The following PCDH15 variants were observed in gnomAD, a reference collection of about 807,000 sequenced individuals.
PCDH15 encodes the protein protocadherin-15.
Under a neutral mutation model 178.5 loss-of-function variants are expected in PCDH15, and 129 were observed. The observed-to-expected ratio is 0.72, with a 90% CI of 0.63 to 0.84. PCDH15 has a LOEUF of 0.84. PCDH15 is among the 40% of genes least tolerant of loss of function. PCDH15 has a pLI of 0.00. For missense variants in PCDH15, 2,230 were observed against 2,099.9 expected, an observed-to-expected ratio of 1.06 and a Z score of -1.21; for synonymous variants, 800 against 732.0, an observed-to-expected ratio of 1.09 and a Z score of -1.50.
chr10:54,056,068 G>A (rs1188564341), intron 18 of PCDH15, among the ~76,000 whole-genome samples: 3 of 152,130 alleles, frequency 2.0e-5, no homozygotes, highest in African/African-American at 4.8e-5. Flanking sequence ...GAATAAATAA[G>A]ATTCTGAGAG....
At chr10:55,088,628 C>T (rs2489226) in intron 2 of PCDH15, among the ~76,000 whole-genome samples, 83,279 of 147,420 alleles carry the variant, frequency 0.56, 24,865 homozygotes, top group African/African-American at 0.8. Flanking sequence ...ACTCATGGAA[C>T]AGATTGCCAC....
intron 2 of PCDH15, among the ~76,000 whole-genome samples, chr10:54,659,598 CA>C (rs772430185): frequency 5.3e-5 from 8 of 151,634 alleles, no homozygotes; most frequent in Non-Finnish European, 1.0e-4. Context: ...ATTAAAAATA[CA>C]AAAATTAGCT....
intron 2 of PCDH15, among the ~76,000 whole-genome samples, chr10:54,637,210 A>G (rs75032608): frequency 0.025 from 3,721 of 151,730 alleles, 152 homozygotes; most frequent in African/African-American, 0.085. Flanking sequence ...TTCTTGGAAC[A>G]CTATTTTGAT....
chr10:55,192,200 A>C (rs765503544), intron 1 of PCDH15, among the ~76,000 whole-genome samples: 8 of 151,874 alleles, frequency 5.3e-5, no homozygotes, highest in Non-Finnish European at 1.0e-4. Context: ...ATTTCTTCAG[A>C]GACAGGATGA....
intron 13 of PCDH15, among the ~76,000 whole-genome samples, chr10:54,177,102 G>A (rs1326987982): frequency 6.6e-6 from 1 of 152,104 alleles, no homozygotes; most frequent in African/African-American, 2.4e-5. Flanking sequence ...GCCCTGAAAA[G>A]ATATGGGCTA....
intron 2 of PCDH15, among the ~76,000 whole-genome samples, chr10:54,557,917 T>A (rs2133305008): frequency 6.6e-6 from 1 of 152,298 alleles, no homozygotes; most frequent in South Asian, 2.1e-4. Context: ...TGTAAAATAC[T>A]TCTGTTAGTA....
intron 16 of PCDH15, among the ~76,000 whole-genome samples, chr10:54,087,622 A>G (rs2094535259): frequency 6.6e-6 from 1 of 152,174 alleles, no homozygotes; most frequent in East Asian, 1.9e-4. Flanking sequence ...TTCTTTGTGC[A>G]AACTATTATG....
At chr10:53,986,590 G>A (rs1263245621) in intron 21 of PCDH15, among the ~76,000 whole-genome samples, 1 of 152,146 alleles carries the variant, frequency 6.6e-6, no homozygotes, top group Non-Finnish European at 1.5e-5. Flanking sequence ...GTTCATTGAT[G>A]GATGAGTGGA....
chr10:54,797,125 C>T (rs1282439807), intron 1 of PCDH15, among the ~76,000 whole-genome samples: 1 of 151,934 alleles, frequency 6.6e-6, no homozygotes, highest in Admixed American at 6.6e-5. Flanking sequence ...GAAGTTTGCC[C>T]TTTCACTAGG....
intron 1 of PCDH15, among the ~76,000 whole-genome samples, chr10:55,170,708 C>T (rs921231917): frequency 6.6e-6 from 1 of 151,652 alleles, no homozygotes; most frequent in Admixed American, 6.6e-5. Flanking sequence ...ATGGTGAAAC[C>T]CCGTCTCCAC....
At chr10:55,442,663 A>G (rs1839224439) in intron 2 of PCDH15, among the ~76,000 whole-genome samples, 1 of 151,142 alleles carries the variant, frequency 6.6e-6, no homozygotes, top group African/African-American at 2.4e-5. Context: ...AAAAAAAGAG[A>G]TCCTGTAAAT....
intron 2 of PCDH15, among the ~76,000 whole-genome samples, chr10:55,582,615 T>TAC (rs1255314219): frequency 1.4e-4 from 14 of 96,618 alleles, no homozygotes; most frequent in African/African-American, 6.0e-4. Flanking sequence ...TATATATATA[T>TAC]ATATATATAT....
chr10:54,754,810 A>G (rs1331517825), intron 1 of PCDH15, among the ~76,000 whole-genome samples: 1 of 152,182 alleles, frequency 6.6e-6, no homozygotes, highest in African/African-American at 2.4e-5. Flanking sequence ...GATTATAAAC[A>G]TGCCAGAAAA....
At chr10:54,057,785 T>A (rs1402215332) in intron 18 of PCDH15, among the ~76,000 whole-genome samples, 1 of 152,200 alleles carries the variant, frequency 6.6e-6, no homozygotes, top group Admixed American at 6.5e-5. Context: ...GGCTGCAAAT[T>A]TCTCCAACTT....
At chr10:54,282,680 G>A (rs1051420131) in intron 8 of PCDH15, among the ~76,000 whole-genome samples, 5 of 151,954 alleles carry the variant, frequency 3.3e-5, no homozygotes, top group African/African-American at 1.2e-4. Flanking sequence ...TGCCCTGGAG[G>A]TGGAAATAAA....
intron 2 of PCDH15, among the ~76,000 whole-genome samples, chr10:55,131,445 C>A (rs1255257657): frequency 6.6e-6 from 1 of 152,168 alleles, no homozygotes; most frequent in African/African-American, 2.4e-5. Context: ...CTTCTTGTCA[C>A]CCACAACGTG....
chr10:53,847,007 G>A (rs907748788), intron 28 of PCDH15, among the ~76,000 whole-genome samples: 9 of 151,968 alleles, frequency 5.9e-5, no homozygotes, highest in Non-Finnish European at 1.2e-4. Context: ...CCATCTGCTG[G>A]TGGCTGGTAG....
At position 53,866,871 on chromosome 10, in the gene PCDH15, A is replaced by AG; in HGVS notation, c.3502-15_3502-14insC. The stretch of plus-strand genomic sequence containing the variant: ...TTTATCAGTAGCCTAGACGGAGGGG[A>AG]AAAAAAAAGAGATTATAATTAAGCA... On this transcript the variant is annotated splice_polypyrimidine_tract_variant and intron_variant, in intron 26 of 37. Transcript: ENST00000644397. The AG allele has an allele frequency of 7.1e-7, 1 of 1,405,174 alleles. No individual in the cohort carries two copies. The highest frequency in any genetic ancestry group is 2.5e-5 in the East Asian group (1 of 39,246). 87.0% of individuals were successfully genotyped at this position (1,405,174 alleles called of 1,614,324 possible).
chr10:55,561,006 T>C (rs1252356657), intron 2 of PCDH15, among the ~76,000 whole-genome samples: 1 of 151,830 alleles, frequency 6.6e-6, no homozygotes, highest in Non-Finnish European at 1.5e-5. Flanking sequence ...TCAAAACAAA[T>C]TCAATAATTC....
Sources: allele counts gnomAD v4.1 joint callset (sites outside exome capture counted in the v4.1 genomes callset), GRCh38; gene constraint gnomAD v4.1.1; transcripts MANE v1.5; gene names NCBI Gene and HGNC (gene_info 2026-07-23, HGNC 2026-07-21).